The following CAST variants were observed in gnomAD, a reference collection of about 807,000 sequenced individuals.
The protein encoded by CAST is calpastatin, also known as MIR583 host.
CAST carries 76 observed loss-of-function variants against 119.6 expected under a neutral mutation model. That is an observed-to-expected ratio of 0.64 (90% CI 0.53 to 0.77). CAST has a LOEUF of 0.77. CAST is among the 30% of genes least tolerant of loss of function. CAST has a pLI of 0.00. For missense variants in CAST, 953 were observed against 946.5 expected, an observed-to-expected ratio of 1.01 and a Z score of -0.09; for synonymous variants, 319 against 331.6, an observed-to-expected ratio of 0.96 and a Z score of 0.41.
the CAST span, among the ~76,000 whole-genome samples, chr5:96,240,646 C>G: frequency 6.6e-6 from 1 of 151,816 alleles, no homozygotes. Context: ...TCACTGCAGC[C>G]TTGTACTCCT....
chr5:95,965,181 G>C, the CAST span: 1 of 152,202 alleles, frequency 6.6e-6, no homozygotes, highest in African/African-American at 2.4e-5. Context: ...GTGATTTCTT[G>C]GTTCAGCTGA....
the CAST span, chr5:96,400,296 T>C: frequency 1.3e-6 from 1 of 757,528 alleles, no homozygotes; most frequent in Non-Finnish European, 2.4e-6. Flanking sequence ...TGCCTTTTGC[T>C]ATTGTAGTTA....
chr5:96,009,526 G>T, the CAST span, among the ~76,000 whole-genome samples: 1 of 152,084 alleles, frequency 6.6e-6, no homozygotes, highest in African/African-American at 2.4e-5. Context: ...GTGTGGTTCT[G>T]ATTTGCATTT....
chr5:96,429,859 G>A, the CAST span, among the ~76,000 whole-genome samples: 2 of 152,142 alleles, frequency 1.3e-5, no homozygotes, highest in South Asian at 4.1e-4. Context: ...CACAGTAGGA[G>A]GCTAGTGATG....
intron 1 of CAST, among the ~76,000 whole-genome samples, chr5:96,624,879 A>C (rs546381131): frequency 1.1e-3 from 166 of 152,340 alleles, no homozygotes; most frequent in African/African-American, 3.8e-3. Context: ...GATTGTTACT[A>C]GAGATAAGAA....
chr5:96,721,121 G>C (rs1193362275), intron 3 of CAST, among the ~76,000 whole-genome samples: 1 of 152,096 alleles, frequency 6.6e-6, no homozygotes, highest in African/African-American at 2.4e-5. Flanking sequence ...ACATCTTACA[G>C]TTTTCAGTAC....
At chr5:96,169,876 G>A in the CAST span, among the ~76,000 whole-genome samples, 1 of 152,154 alleles carries the variant, frequency 6.6e-6, no homozygotes, top group Non-Finnish European at 1.5e-5. Context: ...AGGGAGCTGG[G>A]CAGGTGGGGA....
At chr5:96,252,525 A>G in the CAST span, among the ~76,000 whole-genome samples, 1 of 152,100 alleles carries the variant, frequency 6.6e-6, no homozygotes, top group Admixed American at 6.6e-5. Context: ...CAAAATCTCA[A>G]GGGAGTTAGA....
At chr5:96,579,764 C>T (rs1379535734) in intron 1 of CAST, among the ~76,000 whole-genome samples, 2 of 152,154 alleles carry the variant, frequency 1.3e-5, no homozygotes, top group Admixed American at 6.5e-5. Flanking sequence ...CAGGAAGAAA[C>T]AAATTTACAA....
At chr5:96,473,681 T>C in the CAST span, among the ~76,000 whole-genome samples, 6 of 152,214 alleles carry the variant, frequency 3.9e-5, no homozygotes, top group Non-Finnish European at 8.8e-5. Context: ...AGGCTTCTCC[T>C]TACAGGTCAC....
the CAST span, among the ~76,000 whole-genome samples, chr5:96,260,990 A>T: frequency 0.51 from 77,696 of 152,054 alleles, 20,947 homozygotes; most frequent in African/African-American, 0.67. Context: ...GAACCTGCTC[A>T]TCCTCAGCAA....
rs370316769 is a variant in CAST at position 96,726,937 on chromosome 5, A to G, written c.336+78A>G. The stretch of plus-strand genomic sequence containing the variant: ...CCGCTCAGCATGTGCTAATAACTGC[A>G]ATTCACAGTCTTCTGTTAACACTGA... On this transcript the variant is annotated intron_variant, in intron 5 of 31. Transcript: ENST00000675179. 1.3e-4 allele frequency: 129 copies of G among 972,446 alleles called. No individual in the cohort carries two copies. The East Asian group carries it at 2.6e-3, about 20-fold the overall frequency. 60.2% of individuals were successfully genotyped at this position (972,446 alleles called of 1,614,324 possible).
the CAST span, among the ~76,000 whole-genome samples, chr5:96,045,076 G>C: frequency 6.6e-6 from 1 of 152,140 alleles, no homozygotes; most frequent in Non-Finnish European, 1.5e-5. Flanking sequence ...GAGCTGGCCG[G>C]GCGCAGTGGC....
chr5:96,388,502 C>T, the CAST span, among the ~76,000 whole-genome samples: 1 of 152,342 alleles, frequency 6.6e-6, no homozygotes, highest in South Asian at 2.1e-4. Flanking sequence ...CATTTGAGGC[C>T]TCTGCTTGCA....
At chr5:95,992,787 T>C in the CAST span, among the ~76,000 whole-genome samples, 2 of 152,282 alleles carry the variant, frequency 1.3e-5, no homozygotes, top group East Asian at 3.9e-4. Context: ...GTGAGGGGTA[T>C]GTGAGAACTA....
chr5:96,748,386 T>A, intron 18 of CAST, 132 bp from the exon 19 acceptor site: 3 of 440,830 alleles, frequency 6.8e-6, no homozygotes, highest in Non-Finnish European at 1.2e-5. Flanking sequence ...AATATGCCCT[T>A]TATAAATTAG....
At chr5:96,529,661 C>T (rs1486835961), upstream of CAST, among the ~76,000 whole-genome samples, 5 of 152,266 alleles carry the variant, frequency 3.3e-5, no homozygotes, top group East Asian at 7.7e-4. Flanking sequence ...ATAATCCCCA[C>T]GTGTCATGGG....
At chr5:96,221,956 G>A in the CAST span, among the ~76,000 whole-genome samples, 7,310 of 151,954 alleles carry the variant, frequency 0.048, 620 homozygotes, top group African/African-American at 0.17. Context: ...ATAAATCCAC[G>A]TATTTACAGC....
chr5:96,141,490 G>A, the CAST span, among the ~76,000 whole-genome samples: 1 of 152,216 alleles, frequency 6.6e-6, no homozygotes, highest in Non-Finnish European at 1.5e-5. Context: ...GATAAATGCA[G>A]AATAGGGAAT....
Sources: gnomAD v4.1 joint callset for allele counts (sites outside exome capture counted in the v4.1 genomes callset) on GRCh38, gnomAD v4.1.1 for gene constraint, MANE v1.5 for transcripts, NCBI Gene and HGNC (gene_info 2026-07-23, HGNC 2026-07-21) for gene names.